Variants in CCDC7 observed in about 807,000 individuals in gnomAD.
CCDC7 encodes the protein coiled-coil domain-containing protein 7.
In CCDC7, 183 loss-of-function variants were observed where a neutral mutation model predicts 196.9. The observed-to-expected ratio is 0.93, with a 90% CI of 0.82 to 1.05. The LOEUF is 1.05. Ranked by LOEUF, CCDC7 falls within the 50% of genes least tolerant of loss-of-function variation. The pLI is 0.00. For synonymous variants in CCDC7, 525 were observed against 484.6 expected (o/e 1.08, Z -1.10); for missense variants, 1,540 against 1,482.2 (o/e 1.04, Z -0.64).
intron 18 of CCDC7, among the ~76,000 whole-genome samples, chr10:32,622,750 C>A (rs752639287): frequency 4.6e-5 from 7 of 151,992 alleles, no homozygotes; most frequent in Admixed American, 6.6e-5. Context: ...CGCTAAATGT[C>A]CCCTGGGGGA....
At chr10:32,676,050 GA>G (rs2074912160) in intron 21 of CCDC7, among the ~76,000 whole-genome samples, 1 of 151,590 alleles carries the variant, frequency 6.6e-6, no homozygotes, top group African/African-American at 2.4e-5. Context: ...TAGATCAATG[GA>G]ACAGAACAGA....
At chr10:32,488,204 C>T (rs1346096958) in intron 8 of CCDC7, among the ~76,000 whole-genome samples, 2 of 152,230 alleles carry the variant, frequency 1.3e-5, no homozygotes, top group East Asian at 3.8e-4. Context: ...CTCCCTCAGC[C>T]TTGCTGTGGC....
At chr10:32,739,300 G>A (rs889705866) in intron 28 of CCDC7, among the ~76,000 whole-genome samples, 1 of 151,852 alleles carries the variant, frequency 6.6e-6, no homozygotes, top group African/African-American at 2.4e-5. Context: ...TTTTCCCAAA[G>A]ATCTCGGTAT....
intron 31 of CCDC7, 22 bp from the exon 33 acceptor site, chr10:32,824,496 A>G (rs367850849): frequency 6.5e-7 from 1 of 1,531,358 alleles, no homozygotes; most frequent in Non-Finnish European, 9.0e-7. Context: ...AAGTGTTTTG[A>G]AATCTGTTTA....
At chr10:32,560,621 T>G (rs1261012034) in intron 13 of CCDC7, among the ~76,000 whole-genome samples, 1 of 152,280 alleles carries the variant, frequency 6.6e-6, no homozygotes, top group African/African-American at 2.4e-5. Flanking sequence ...AAGCAAATGC[T>G]GAGAGATTTT....
chr10:32,632,714 G>C (rs965744164), intron 18 of CCDC7, among the ~76,000 whole-genome samples: 1 of 152,046 alleles, frequency 6.6e-6, no homozygotes, highest in East Asian at 1.9e-4. Flanking sequence ...ATTTAGGAGT[G>C]TGTTGTTTAA....
intron 21 of CCDC7, among the ~76,000 whole-genome samples, chr10:32,681,075 C>T (rs1365892976): frequency 1.3e-5 from 2 of 152,182 alleles, no homozygotes; most frequent in African/African-American, 2.4e-5. Flanking sequence ...ATTCCGTTTT[C>T]ATTAACAAAA....
chr10:32,637,612 A>T (rs1270034867), intron 20 of CCDC7, among the ~76,000 whole-genome samples: 1 of 152,156 alleles, frequency 6.6e-6, no homozygotes, highest in Non-Finnish European at 1.5e-5. Context: ...TACCGGTACC[A>T]TGCTCTTTTG....
intron 18 of CCDC7, among the ~76,000 whole-genome samples, chr10:32,615,807 G>A (rs918751416): frequency 3.9e-5 from 6 of 151,970 alleles, no homozygotes; most frequent in Non-Finnish European, 8.8e-5. Flanking sequence ...AATGTCAGGT[G>A]TTAGTTTAGG....
chr10:32,713,402 G>A (rs183722469), intron 25 of CCDC7, among the ~76,000 whole-genome samples: 8 of 152,164 alleles, frequency 5.3e-5, no homozygotes, highest in African/African-American at 1.7e-4. Context: ...GTTCCCCACT[G>A]GGGACCTAGG....
chr10:32,662,532 A>G (rs1200585950), intron 20 of CCDC7, among the ~76,000 whole-genome samples: 3 of 152,162 alleles, frequency 2.0e-5, no homozygotes, highest in South Asian at 4.2e-4. Flanking sequence ...CCCCATGACT[A>G]TTAAATGATG....
At position 32,699,689 on chromosome 10, in the gene CCDC7, A is replaced by G. The variant is rs1475723640; in HGVS notation, c.2458+4697A>G. Among the ~76,000 whole-genome samples, 14 of 149,218 alleles carry G rather than the reference A, an allele frequency of 9.4e-5. 2 individuals carry two copies. The highest frequency in any genetic ancestry group is 3.6e-4 in the African/African-American group (14 of 38,620). On this transcript the variant is annotated intron_variant, in intron 24 of 41. Coordinates refer to ENST00000639629, the Ensembl canonical transcript of CCDC7. ...CCACCAACAGTGTAAAAGCTTTCCT[A>G]TTTCTATACATCCTCTCCAGCACCT...
chr10:32,623,597 A>G lies in CCDC7; in HGVS notation c.1802-10657A>G, dbSNP rs573430896. ...CTTCTCCCTTAGTTGCCTTACCTCA[A>G]TAAATACTATTAAGAACTCTGTCAG... On this transcript the variant is annotated intron_variant, in intron 18 of 41. Coordinates refer to ENST00000639629, the Ensembl canonical transcript of CCDC7. 71 of 402,312 alleles carry G rather than the reference A, an allele frequency of 1.8e-4. 1 individual carries two copies. Among genetic ancestry groups the G allele is most frequent in the South Asian group, 1.2e-3 (64 of 55,320 alleles). 24.9% of individuals were successfully genotyped at this position (402,312 alleles called of 1,614,324 possible).
chr10:32,709,760 T>A (rs1819933716), intron 24 of CCDC7, among the ~76,000 whole-genome samples: 1 of 152,166 alleles, frequency 6.6e-6, no homozygotes, highest in Non-Finnish European at 1.5e-5. Context: ...ATTATTTCAC[T>A]GACCAATTTG....
intron 9 of CCDC7, among the ~76,000 whole-genome samples, chr10:32,509,945 A>G (rs979726954): frequency 2.6e-5 from 4 of 152,216 alleles, no homozygotes; most frequent in African/African-American, 9.6e-5. Flanking sequence ...GGGAATGTAA[A>G]TTGGTAGAGC....
intron 41 of CCDC7, among the ~76,000 whole-genome samples, chr10:32,857,853 A>G (rs2093812618): frequency 6.6e-6 from 1 of 151,834 alleles, no homozygotes; most frequent in Non-Finnish European, 1.5e-5. Context: ...GCTTTTTTTG[A>G]AAAAAATAAA....
chr10:32,824,704 C>A (rs145337744), intron 32 of CCDC7, 100 bp downstream of exon 33: 10 of 670,100 alleles, frequency 1.5e-5, no homozygotes, highest in Non-Finnish European at 2.5e-5. Context: ...GTAATTATCA[C>A]GTGAGAAAAA....
chr10:32,571,971 A>G (rs957455403), intron 16 of CCDC7, 78 bp downstream of exon 17: 3 of 1,320,302 alleles, frequency 2.3e-6, no homozygotes, highest in Non-Finnish European at 2.0e-6. Context: ...GAAAATAACC[A>G]TTCTAAATTT....
At chr10:32,672,334 A>G (rs2074212618) in intron 21 of CCDC7, among the ~76,000 whole-genome samples, 1 of 152,176 alleles carries the variant, frequency 6.6e-6, no homozygotes, top group East Asian at 1.9e-4. Flanking sequence ...GAGCATGGGC[A>G]CACACAGTGA....
Sources: gnomAD v4.1 joint callset for allele counts (sites outside exome capture counted in the v4.1 genomes callset) on GRCh38, gnomAD v4.1.1 for gene constraint, MANE v1.5 for transcripts, NCBI Gene and HGNC (gene_info 2026-07-23, HGNC 2026-07-21) for gene names.